Variants in SLC19A1 observed in about 807,000 individuals in gnomAD.
SLC19A1 encodes reduced folate transporter.
Under a neutral mutation model 35.3 loss-of-function variants are expected in SLC19A1, and 37 were observed. The observed-to-expected ratio is 1.05, with a 90% CI of 0.81 to 1.38. SLC19A1 has a LOEUF of 1.38. SLC19A1 is among the 40% of genes most tolerant of loss of function. The probability of loss-of-function intolerance (pLI) is 0.00; values close to 1 mark genes in which losing one functional copy is unlikely to be tolerated. For synonymous variants in SLC19A1, 460 were observed against 398.5 expected (o/e 1.15, Z -1.84); for missense variants, 831 against 826.9 (o/e 1.00, Z -0.06).
intron 1 of SLC19A1, among the ~76,000 whole-genome samples, chr21:45,539,268 G>C (rs2078229971): frequency 6.6e-6 from 1 of 152,234 alleles, no homozygotes; most frequent in South Asian, 2.1e-4. Flanking sequence ...TGCTCCCGGA[G>C]GCCAGGCCTG....
At chr21:45,504,175 C>T (rs558525382) in intron 3 of SLC19A1, 224 of 1,206,660 alleles carry the variant, frequency 1.9e-4, no homozygotes, top group Middle Eastern at 2.6e-4. Flanking sequence ...CTGCGAGGGG[C>T]GCTGGCTCCA....
At chr21:45,543,790 C>T (rs2078379419), upstream of SLC19A1, 1 of 152,396 alleles carries the variant, frequency 6.6e-6, no homozygotes, top group African/African-American at 2.4e-5. Flanking sequence ...GAGGGACCCC[C>T]TGCTTTGTGG....
Position 45,503,909 on chromosome 21 carries a change from T to G in SLC19A1, c.498-5297A>C, listed in dbSNP as rs1313023783. On this transcript the variant is annotated intron_variant, in intron 3 of 4. Coordinates refer to the SLC19A1 transcript ENST00000417954. ...TACGCGATCTCTACCGCGAAATGGC[T>G]AGAAGGGCCTCAGGCAAACCCACCA... 10 of 1,231,298 alleles carry G rather than the reference T, an allele frequency of 8.1e-6. No homozygotes were observed. In the East Asian group the frequency reaches 2.3e-4, roughly 29 times the overall value. The allele number at this position is 1,231,298 out of a possible 1,614,324, so 76.3% of individuals were successfully genotyped here.
At chr21:45,544,401 C>T (rs1226332344), upstream of SLC19A1, 1 of 153,728 alleles carries the variant, frequency 6.5e-6, no homozygotes, top group Non-Finnish European at 1.4e-5. Context: ...CCATTGAGGA[C>T]TGCGAGGAGT....
Position 45,515,126 on chromosome 21 carries a change from C to T in SLC19A1, c.*532G>A. 2 of 1,538,574 alleles carry T rather than the reference C, an allele frequency of 1.3e-6. No homozygotes were observed. The highest frequency in any genetic ancestry group is 1.7e-6 in the Non-Finnish European group (2 of 1,143,510). On this transcript the variant is annotated 3_prime_UTR_variant, in exon 6 of 6. Coordinates refer to ENST00000311124, the MANE Select transcript of SLC19A1 (RefSeq NM_194255.4). ...ACCTGAGATGGCTTTTCCACAGAGA[C>T]AGAGAAGCCACATGCAGTTCTTCAT... is the stretch of plus-strand genomic sequence containing the variant.
downstream of SLC19A1, chr21:45,509,497 C>G (rs985397755): frequency 6.5e-7 from 1 of 1,529,254 alleles, no homozygotes; most frequent in African/African-American, 1.4e-5. Context: ...CCTGCCCGAG[C>G]CCCAGCCCTA....
At chr21:45,510,313 C>A, downstream of SLC19A1, 2 of 1,535,748 alleles carry the variant, frequency 1.3e-6, no homozygotes, top group Non-Finnish European at 1.8e-6. Flanking sequence ...CACTTGACCT[C>A]TGGGGTGAAC....
At chr21:45,504,148 C>T in intron 3 of SLC19A1, 1 of 1,430,522 alleles carries the variant, frequency 7.0e-7, no homozygotes, top group Non-Finnish European at 9.8e-7. Flanking sequence ...CGGCCCAAGC[C>T]CCCTTCCTGT....
At chr21:45,553,308 G>A (rs926706146) in intron 1 of SLC19A1, among the ~76,000 whole-genome samples, 2 of 151,956 alleles carry the variant, frequency 1.3e-5, no homozygotes, top group African/African-American at 4.8e-5. Flanking sequence ...CTGTGTGAAG[G>A]ACACGACTCC....
chr21:45,555,146 G>T (rs1412492974), intron 1 of SLC19A1, among the ~76,000 whole-genome samples: 1 of 116,004 alleles, frequency 8.6e-6, no homozygotes, highest in Non-Finnish European at 1.7e-5. Context: ...CGCAGGGGGC[G>T]GTGCAGGGGG....
At chr21:45,509,220 C>A, downstream of SLC19A1, 2 of 1,241,042 alleles carry the variant, frequency 1.6e-6, no homozygotes, top group Non-Finnish European at 1.1e-6. Flanking sequence ...CAGGGCAGCC[C>A]CAGAGTCGGG....
Position 45,503,992 on chromosome 21 carries a change from G to A in SLC19A1, c.498-5380C>T, listed in dbSNP as rs187366353. On this transcript the variant is annotated intron_variant, in intron 3 of 4. Coordinates refer to the SLC19A1 transcript ENST00000417954. ...TCAGACACCACCTCAGCGAGACCCC[G>A]CCTGTCTCTCTCTTGCAGGGCAGTT... 2.5e-3 allele frequency: 3,957 copies of A among 1,613,368 alleles called. 136 individuals are homozygous for A. The East Asian group carries it at 0.075, about 30-fold the overall frequency.
intron 5 of SLC19A1, 54 bp downstream of exon 5, chr21:45,525,763 A>G (rs1412282878): frequency 6.3e-7 from 1 of 1,594,348 alleles, no homozygotes. Flanking sequence ...GGCCTCAACA[A>G]TGTCCCCACA....
At chr21:45,554,820 G>T (rs2078526431) in intron 1 of SLC19A1, among the ~76,000 whole-genome samples, 1 of 151,828 alleles carries the variant, frequency 6.6e-6, no homozygotes, top group Admixed American at 6.5e-5. Flanking sequence ...TACGGTTTCG[G>T]TTTTTCCCAT....
At chr21:45,510,476 C>T (rs916061010), downstream of SLC19A1, among the ~76,000 whole-genome samples, 3 of 152,202 alleles carry the variant, frequency 2.0e-5, no homozygotes, top group African/African-American at 7.2e-5. Flanking sequence ...CCACGTCCCC[C>T]AGGGCATCCC....
intron 5 of SLC19A1, among the ~76,000 whole-genome samples, chr21:45,518,919 G>A (rs2077355326): frequency 6.6e-6 from 1 of 152,164 alleles, no homozygotes; most frequent in African/African-American, 2.4e-5. Flanking sequence ...AAGGAATCTT[G>A]AAATAACAGG....
intron 1 of SLC19A1, among the ~76,000 whole-genome samples, chr21:45,556,881 G>A (rs1464344142): frequency 4.6e-5 from 7 of 151,034 alleles, no homozygotes; most frequent in African/African-American, 1.7e-4. Flanking sequence ...GCCTGCACGT[G>A]TCTCCTGGGA....
At chr21:45,511,161 T>G, downstream of SLC19A1, 2 of 1,600,072 alleles carry the variant, frequency 1.2e-6, no homozygotes, top group Non-Finnish European at 8.5e-7. Context: ...GCTCTGAGGG[T>G]CCGCTGAAGC....
intron 1 of SLC19A1, among the ~76,000 whole-genome samples, chr21:45,550,019 C>G (rs532115579): frequency 6.6e-6 from 1 of 152,216 alleles, no homozygotes; most frequent in African/African-American, 2.4e-5. Context: ...ATCTTGGGAA[C>G]TGTCTCTCCC....
Sources: allele counts gnomAD v4.1 joint callset (sites outside exome capture counted in the v4.1 genomes callset), GRCh38; gene constraint gnomAD v4.1.1; transcripts MANE v1.5; gene names NCBI Gene and HGNC (gene_info 2026-07-23, HGNC 2026-07-21).